NDST4: variants seen among roughly 807,000 people sequenced by gnomAD.
NDST4 encodes the protein N-deacetylase and N-sulfotransferase 4.
Under a neutral mutation model 100.8 loss-of-function variants are expected in NDST4, and 63 were observed. The ratio of observed to expected loss-of-function variants is 0.62; its 90% confidence interval spans 0.51 to 0.77. The LOEUF is 0.77. Ranked by LOEUF, NDST4 falls within the 30% of genes least tolerant of loss-of-function variation. NDST4 has a pLI of 0.00. For synonymous variants in NDST4, 377 were observed against 361.8 expected (o/e 1.04, Z -0.48); for missense variants, 943 against 1,018.4 (o/e 0.93, Z 1.01).
intron 2 of NDST4, among the ~76,000 whole-genome samples, chr4:115,032,798 A>C (rs745494235): frequency 1.3e-5 from 2 of 152,038 alleles, no homozygotes; most frequent in Non-Finnish European, 2.9e-5. Context: ...TTTGGTCAAA[A>C]ATAATGAAAT....
chr4:114,829,448 A>G (rs558206060), intron 13 of NDST4, among the ~76,000 whole-genome samples: 2 of 152,336 alleles, frequency 1.3e-5, no homozygotes, highest in East Asian at 3.9e-4. Flanking sequence ...TGAATATATA[A>G]TAATGATACT....
chr4:115,091,956 T>C (rs554472223), intron 1 of NDST4, among the ~76,000 whole-genome samples: 1 of 152,310 alleles, frequency 6.6e-6, no homozygotes, highest in South Asian at 2.1e-4. Context: ...TAATATAAGA[T>C]GCAAACTATA....
At chr4:114,828,016 T>C in intron 13 of NDST4, 81 bp from the exon 14 acceptor site, 1 of 1,268,108 alleles carries the variant, frequency 7.9e-7, no homozygotes, top group East Asian at 2.4e-5. Flanking sequence ...TCTTAAGGAA[T>C]ATATCTACTA....
chr4:115,044,613 C>T (rs996592615), intron 2 of NDST4, among the ~76,000 whole-genome samples: 4 of 150,910 alleles, frequency 2.7e-5, no homozygotes, highest in Non-Finnish European at 4.4e-5. Flanking sequence ...AAAAACACTC[C>T]TATGTATTTT....
chr4:115,098,945 C>A (rs1729675435), intron 1 of NDST4, among the ~76,000 whole-genome samples: 1 of 152,166 alleles, frequency 6.6e-6, no homozygotes, highest in Admixed American at 6.5e-5. Context: ...TGGGCTCAAG[C>A]AGTCCTTCCA....
intron 6 of NDST4, among the ~76,000 whole-genome samples, chr4:114,932,364 A>G (rs530706032): frequency 1.3e-5 from 2 of 152,112 alleles, no homozygotes; most frequent in South Asian, 4.1e-4. Context: ...TTAGTGCCAT[A>G]TATTACAAAC....
chr4:114,967,926 C>G (rs546273884), intron 4 of NDST4, among the ~76,000 whole-genome samples: 2 of 152,066 alleles, frequency 1.3e-5, no homozygotes, highest in Non-Finnish European at 2.9e-5. Context: ...GTATATCCTC[C>G]CAGCAATTCC....
At chr4:114,840,982 A>G (rs930137948) in intron 10 of NDST4, among the ~76,000 whole-genome samples, 2 of 152,224 alleles carry the variant, frequency 1.3e-5, no homozygotes, top group Non-Finnish European at 2.9e-5. Context: ...TATAGATTAT[A>G]TAACTCATTT....
chr4:114,902,889 G>A (rs2126210952), intron 6 of NDST4, among the ~76,000 whole-genome samples: 1 of 152,072 alleles, frequency 6.6e-6, no homozygotes, highest in Admixed American at 6.6e-5. Flanking sequence ...TTTTGTTACA[G>A]TGTTTTTGGT....
At chr4:114,945,156 C>T (rs755781133) in intron 4 of NDST4, among the ~76,000 whole-genome samples, 9 of 130,742 alleles carry the variant, frequency 6.9e-5, no homozygotes, top group Non-Finnish European at 1.1e-4. Context: ...TGTGGTGAGC[C>T]GAGATCATGC....
chr4:115,019,144 G>A (rs917478749), intron 2 of NDST4, among the ~76,000 whole-genome samples: 1 of 151,666 alleles, frequency 6.6e-6, no homozygotes, highest in Non-Finnish European at 1.5e-5. Flanking sequence ...ATAATACTTG[G>A]CTTTTACTTA....
rs1000565664 is a variant in NDST4 at position 115,054,485 on chromosome 4, G to T, written c.978+21574C>A. 3.3e-5 allele frequency among the ~76,000 whole-genome samples: 5 copies of T among 152,202 alleles called. No individual in the cohort carries two copies. The East Asian group carries it at 7.7e-4, about 24-fold the overall frequency. On this transcript the variant is annotated intron_variant, in intron 2 of 13. Coordinates refer to ENST00000264363, the MANE Select transcript of NDST4 (RefSeq NM_022569.3). ...ATAAGAAATTTTATGTTTTAAAGAA[G>T]TAATCATTATAAAAAGTGCAATGCT... is the stretch of plus-strand genomic sequence containing the variant.
At chr4:114,841,711 A>T (rs1723430635) in intron 10 of NDST4, among the ~76,000 whole-genome samples, 1 of 152,238 alleles carries the variant, frequency 6.6e-6, no homozygotes, top group African/African-American at 2.4e-5. Context: ...ATACTGAAAA[A>T]ATAAGTTTAT....
At chr4:114,828,968 C>T (rs1029838884) in intron 13 of NDST4, among the ~76,000 whole-genome samples, 6 of 152,092 alleles carry the variant, frequency 3.9e-5, no homozygotes, top group Non-Finnish European at 7.4e-5. Flanking sequence ...AAACACTTCA[C>T]ATTTCGGATA....
chr4:114,966,018 G>A (rs1387229415), intron 4 of NDST4, among the ~76,000 whole-genome samples: 1 of 151,932 alleles, frequency 6.6e-6, no homozygotes, highest in African/African-American at 2.4e-5. Context: ...AGATCTATGA[G>A]TTATTGAAGG....
chr4:114,854,538 G>A (rs1286387946), intron 7 of NDST4, among the ~76,000 whole-genome samples: 3 of 151,930 alleles, frequency 2.0e-5, no homozygotes, highest in Non-Finnish European at 4.4e-5. Flanking sequence ...GCACAATCTC[G>A]GCTCACCGCA....
At chr4:115,057,967 A>T (rs558868) in intron 2 of NDST4, among the ~76,000 whole-genome samples, 40,152 of 152,046 alleles carry the variant, frequency 0.26, 7,366 homozygotes, top group African/African-American at 0.5. Flanking sequence ...AATATGTATA[A>T]CTGTAAGCAT....
intron 2 of NDST4, among the ~76,000 whole-genome samples, chr4:115,052,053 A>G (rs1217404920): frequency 3.3e-5 from 5 of 152,138 alleles, no homozygotes; most frequent in Admixed American, 3.3e-4. Context: ...ACTTTTTCAT[A>G]TACCTGTTAG....
chr4:115,039,674 C>A (rs541242778), intron 2 of NDST4, among the ~76,000 whole-genome samples: 5 of 151,982 alleles, frequency 3.3e-5, no homozygotes, highest in African/African-American at 1.2e-4. Flanking sequence ...TCTCTCTATA[C>A]GACAATGGAT....
Sources: allele counts gnomAD v4.1 joint callset (sites outside exome capture counted in the v4.1 genomes callset), GRCh38; gene constraint gnomAD v4.1.1; transcripts MANE v1.5; gene names NCBI Gene and HGNC (gene_info 2026-07-23, HGNC 2026-07-21).